Variants in ABCA12 observed in about 807,000 individuals in gnomAD.
The protein encoded by ABCA12 is glucosylceramide transporter ABCA12.
Under a neutral mutation model 293.5 loss-of-function variants are expected in ABCA12, and 156 were observed. The observed-to-expected ratio is 0.53, with a 90% CI of 0.47 to 0.61. The LOEUF is 0.61. Among genes scored for constraint, ABCA12 ranks in the 20% least tolerant of loss-of-function variants. The pLI is 0.00. For synonymous variants in ABCA12, 1,063 were observed against 1,108.0 expected (o/e 0.96, Z 0.81); for missense variants, 2,797 against 3,090.2 (o/e 0.91, Z 2.25).
intron 2 of ABCA12, among the ~76,000 whole-genome samples, chr2:215,104,486 C>T (rs1007450370): frequency 6.6e-6 from 1 of 152,118 alleles, no homozygotes; most frequent in African/African-American, 2.4e-5. Flanking sequence ...GTGATGCAGC[C>T]GTGTCCACAT....
intron 39 of ABCA12, among the ~76,000 whole-genome samples, chr2:214,965,857 C>T (rs1450325024): frequency 6.6e-6 from 1 of 152,124 alleles, no homozygotes; most frequent in African/African-American, 2.4e-5. Context: ...GGCAGAAATA[C>T]CATTTCACCC....
intron 39 of ABCA12, among the ~76,000 whole-genome samples, chr2:214,959,806 C>T (rs997712743): frequency 2.0e-5 from 3 of 152,142 alleles, no homozygotes. Flanking sequence ...CTCTTTTCTT[C>T]CCTTCCTTAG....
intron 3 of ABCA12, among the ~76,000 whole-genome samples, chr2:215,061,683 A>C (rs1459798563): frequency 6.6e-6 from 1 of 152,108 alleles, no homozygotes. Flanking sequence ...AGTAGTTTAG[A>C]GAAAATAGTG....
At chr2:215,064,483 G>C (rs776596402) in intron 2 of ABCA12, among the ~76,000 whole-genome samples, 1 of 151,826 alleles carries the variant, frequency 6.6e-6, no homozygotes, top group Non-Finnish European at 1.5e-5. Flanking sequence ...TCCCTTCCTG[G>C]GATTTATTCT....
At chr2:214,981,239 TG>T (rs1347290265) in intron 30 of ABCA12, among the ~76,000 whole-genome samples, 1 of 152,194 alleles carries the variant, frequency 6.6e-6, no homozygotes, top group African/African-American at 2.4e-5. Context: ...ATGTGGGCAT[TG>T]GCAATTCTTC....
chr2:215,007,681 A>T (rs777089216), intron 19 of ABCA12, 46 bp downstream of exon 19: 2 of 1,612,088 alleles, frequency 1.2e-6, no homozygotes, highest in African/African-American at 2.7e-5. Flanking sequence ...TAAAATCTCA[A>T]AGAATTCAAA....
At chr2:214,941,678 G>GCATTGAT (rs1271597649) in intron 50 of ABCA12, among the ~76,000 whole-genome samples, 5 of 151,972 alleles carry the variant, frequency 3.3e-5, no homozygotes, top group African/African-American at 1.2e-4. Flanking sequence ...TCTTCTTGTT[G>GCATTGAT]CATTGATCCC....
intron 15 of ABCA12, among the ~76,000 whole-genome samples, chr2:215,015,112 CT>C (rs1309659695): frequency 6.6e-6 from 1 of 151,694 alleles, no homozygotes; most frequent in Non-Finnish European, 1.5e-5. Context: ...TAAGAAACCC[CT>C]TTTTTCTAAT....
chr2:215,004,943 G>C (rs1200826364), intron 19 of ABCA12: 2 of 152,124 alleles, frequency 1.3e-5, no homozygotes, highest in Non-Finnish European at 2.9e-5. Context: ...CAATGGAAAG[G>C]CTGAAAAATT....
intron 2 of ABCA12, among the ~76,000 whole-genome samples, chr2:215,093,268 C>T (rs1470886989): frequency 6.6e-6 from 1 of 152,162 alleles, no homozygotes; most frequent in Non-Finnish European, 1.5e-5. Context: ...TACAAAGCAA[C>T]AACTCCTTTC....
chr2:215,047,068 C>T (rs1701218103), intron 6 of ABCA12, among the ~76,000 whole-genome samples: 1 of 152,072 alleles, frequency 6.6e-6, no homozygotes, highest in South Asian at 2.1e-4. Flanking sequence ...ACACTGGGGT[C>T]TGTCAGAGCT....
At chr2:215,097,998 A>G (rs2106113794) in intron 2 of ABCA12, among the ~76,000 whole-genome samples, 1 of 152,324 alleles carries the variant, frequency 6.6e-6, no homozygotes. Context: ...CATAAAACCT[A>G]AAAACAGCTA....
intron 2 of ABCA12, among the ~76,000 whole-genome samples, chr2:215,086,065 C>T (rs1702031741): frequency 6.6e-6 from 1 of 152,172 alleles, no homozygotes; most frequent in Admixed American, 6.5e-5. Flanking sequence ...GCTAATCAGT[C>T]ATTCTGGCTA....
chr2:214,953,790 T>C, intron 44 of ABCA12, 64 bp downstream of exon 44: 2 of 1,577,106 alleles, frequency 1.3e-6, no homozygotes, highest in South Asian at 2.3e-5. Flanking sequence ...TATTGACTTC[T>C]TTCTCAATAG....
In ABCA12 at chr2:215,018,128, C is replaced by A; in HGVS notation, c.1662G>T (p.Gln554His). 6.2e-7 allele frequency: 1 copy of A among 1,612,566 alleles called. No individual in the cohort carries two copies. Among genetic ancestry groups the A allele is most frequent in the Non-Finnish European group, 8.5e-7 (1 of 1,179,464 alleles). Residue 554 changes from glutamine to histidine, a missense_variant, in exon 14 of 53, where the codon CAG (glutamine) becomes CAT (histidine). Physicochemically the swap from Gln to His is conservative, Grantham distance 24. Around this residue, in one of 3 missense-constraint regions of ABCA12, gnomAD observed 656 missense variants for 638.2 expected, o/e 1.03. Coordinates refer to ENST00000272895, the MANE Select transcript of ABCA12 (RefSeq NM_173076.3). Reference protein sequence around the residue: ...NSADASEKPGQLLEMFKNVEE... With the variant: ...NSADASEKPGHLLEMFKNVEE... ...CAACATTTTTAAACATTTCTAGTAA[C>A]TGACCTGCAAGAAGAAAAATGTAAA...
At chr2:214,962,094 A>T (rs1174011963) in intron 39 of ABCA12, 2 of 152,094 alleles carry the variant, frequency 1.3e-5, no homozygotes, top group Admixed American at 6.5e-5. Context: ...ATTCTTTTTA[A>T]TTTTTTTGAG....
chr2:215,003,715 T>C (rs1165454799), intron 20 of ABCA12, among the ~76,000 whole-genome samples: 1 of 151,844 alleles, frequency 6.6e-6, no homozygotes, highest in Non-Finnish European at 1.5e-5. Flanking sequence ...TCACCCAGGC[T>C]GAAGTGCAGT....
intron 3 of ABCA12, 143 bp downstream of exon 3, chr2:215,063,923 G>T: frequency 9.9e-7 from 1 of 1,012,054 alleles, no homozygotes; most frequent in Non-Finnish European, 1.5e-6. Context: ...TACCTACTTT[G>T]TTATTTCATA....
At chr2:214,950,838 C>A in intron 45 of ABCA12, 41 bp downstream of exon 45, 1 of 1,586,786 alleles carries the variant, frequency 6.3e-7, no homozygotes, top group Non-Finnish European at 8.7e-7. Flanking sequence ...ACATAGTATG[C>A]CAATGAAAAG....
Sources: allele counts gnomAD v4.1 joint callset (sites outside exome capture counted in the v4.1 genomes callset), GRCh38; gene constraint gnomAD v4.1.1; regional missense constraint gnomAD v4.1.1; transcripts MANE v1.5; gene names NCBI Gene and HGNC (gene_info 2026-07-23, HGNC 2026-07-21).